Variants in SCAND3 observed in about 807,000 individuals in gnomAD.
SCAND3 encodes SCAN domain-containing protein 3.
the SCAND3 span, chr6:28,591,692 A>T: frequency 6.6e-6 from 1 of 152,166 alleles, no homozygotes. Flanking sequence ...ATCTGAGTTT[A>T]TTTAATTTCT....
the SCAND3 span, among the ~76,000 whole-genome samples, chr6:28,601,789 A>G: frequency 3.2e-4 from 49 of 152,248 alleles, no homozygotes; most frequent in South Asian, 6.6e-3. Context: ...AAAGTGATGG[A>G]ATTGCAGGCA....
At chr6:28,579,964 C>T in the SCAND3 span, among the ~76,000 whole-genome samples, 3 of 152,146 alleles carry the variant, frequency 2.0e-5, no homozygotes, top group Non-Finnish European at 2.9e-5. The surrounding 1 kb of genome is among the most constrained non-coding windows in gnomAD (Gnocchi z 4.5). Flanking sequence ...GTTACACTTA[C>T]GCTACATCGA....
chr6:28,601,855 T>G, the SCAND3 span, among the ~76,000 whole-genome samples: 1 of 152,104 alleles, frequency 6.6e-6, no homozygotes, highest in African/African-American at 2.4e-5. Flanking sequence ...GATGTTGAGG[T>G]GTTTGAGGGA....
the SCAND3 span, among the ~76,000 whole-genome samples, chr6:28,584,024 A>G: frequency 6.6e-6 from 1 of 152,202 alleles, no homozygotes; most frequent in East Asian, 1.9e-4. Flanking sequence ...GGAGAATTGT[A>G]TATCACACCC....
the SCAND3 span, among the ~76,000 whole-genome samples, chr6:28,602,175 A>T: frequency 3.3e-5 from 5 of 151,996 alleles, no homozygotes; most frequent in Non-Finnish European, 7.4e-5. Flanking sequence ...CTTTTCTCAC[A>T]TATGATGATG....
the SCAND3 span, among the ~76,000 whole-genome samples, chr6:28,599,117 T>G: frequency 9.7e-4 from 148 of 152,092 alleles, no homozygotes; most frequent in Admixed American, 2.4e-3. Context: ...ATGTACAAGA[T>G]CTATGTGAGG....
chr6:28,604,017 G>A, the SCAND3 span, among the ~76,000 whole-genome samples: 1 of 152,180 alleles, frequency 6.6e-6, no homozygotes, highest in African/African-American at 2.4e-5. Flanking sequence ...AAGATGTTGA[G>A]AACTGAAGCT....
chr6:28,597,254 T>C, the SCAND3 span, among the ~76,000 whole-genome samples: 1 of 152,234 alleles, frequency 6.6e-6, no homozygotes, highest in African/African-American at 2.4e-5. Flanking sequence ...CTTGGTTTCT[T>C]GGCAAATTAA....
At chr6:28,573,339 T>A in the SCAND3 span, 1 of 1,614,150 alleles carries the variant, frequency 6.2e-7, no homozygotes, top group Non-Finnish European at 8.5e-7. Context: ...CCAAGCAAAC[T>A]TCTTTGATGC....
At chr6:28,598,570 T>C in the SCAND3 span, among the ~76,000 whole-genome samples, 2 of 152,064 alleles carry the variant, frequency 1.3e-5, no homozygotes, top group Non-Finnish European at 2.9e-5. Context: ...CAATTGTAGT[T>C]ATTTATTTGA....
the SCAND3 span, among the ~76,000 whole-genome samples, chr6:28,595,330 CAAAAAAAAAAAAAA>C: frequency 2.7e-4 from 10 of 37,334 alleles, no homozygotes; most frequent in South Asian, 9.6e-3. Context: ...AACCCAGTCT[CAAAAAAAAAAAAAA>C]AAAAAAAAAA....
chr6:28,584,167 T>C, the SCAND3 span, among the ~76,000 whole-genome samples: 1 of 152,142 alleles, frequency 6.6e-6, no homozygotes, highest in Non-Finnish European at 1.5e-5. Flanking sequence ...ACCAATATCT[T>C]GAATGTTTGC....
the SCAND3 span, among the ~76,000 whole-genome samples, chr6:28,596,165 G>C: frequency 6.6e-6 from 1 of 152,106 alleles, no homozygotes; most frequent in Non-Finnish European, 1.5e-5. Flanking sequence ...TATATATAAA[G>C]TTATTTGTGC....
the SCAND3 span, among the ~76,000 whole-genome samples, chr6:28,605,905 CA>C: frequency 3.3e-5 from 5 of 151,068 alleles, no homozygotes; most frequent in East Asian, 1.9e-4. Flanking sequence ...ATATCAATGT[CA>C]AAAAAAATAA....
the SCAND3 span, chr6:28,575,817 A>G: frequency 9.3e-5 from 150 of 1,613,908 alleles, no homozygotes; most frequent in Non-Finnish European, 1.2e-4. This position sits in a 1 kb window ranked among gnomAD's most constrained non-coding sequence, Gnocchi z 4.2. Context: ...ACCGTATTTT[A>G]TCTGTTTCCC....
chr6:28,572,468 C>T, the SCAND3 span: 1 of 1,613,170 alleles, frequency 6.2e-7, no homozygotes, highest in Non-Finnish European at 8.5e-7. The surrounding 1 kb of genome is among the most constrained non-coding windows in gnomAD (Gnocchi z 4.1). Flanking sequence ...TTCCAAGCTT[C>T]TAACTTCTGT....
the SCAND3 span, among the ~76,000 whole-genome samples, chr6:28,597,422 A>G: frequency 6.6e-6 from 1 of 152,216 alleles, no homozygotes; most frequent in Non-Finnish European, 1.5e-5. Context: ...CCACCTCGTC[A>G]CATGCTAAGC....
the SCAND3 span, among the ~76,000 whole-genome samples, chr6:28,585,807 T>C: frequency 6.6e-6 from 1 of 152,164 alleles, no homozygotes; most frequent in South Asian, 2.1e-4. Flanking sequence ...TTTAAAATTC[T>C]TCTAAAAATA....
chr6:28,574,847 C>T, the SCAND3 span: 1 of 1,614,016 alleles, frequency 6.2e-7, no homozygotes, highest in Non-Finnish European at 8.5e-7. Context: ...ATATTTCCAT[C>T]ACATGATATA....
Sources: gnomAD v4.1 joint callset for allele counts (sites outside exome capture counted in the v4.1 genomes callset) on GRCh38, gnomAD v4.1.1 for gene constraint, Gnocchi (gnomAD v3.1) non-coding constraint, MANE v1.5 for transcripts, NCBI Gene and HGNC (gene_info 2026-07-23, HGNC 2026-07-21) for gene names.